ITFG1: variants seen among roughly 807,000 people sequenced by gnomAD.
The protein encoded by ITFG1 is integrin alpha FG-GAP repeat containing 1, also known as T-cell immunomodulatory protein.
A neutral mutation model predicts 81.8 loss-of-function variants in ITFG1; 34 were observed. The ratio of observed to expected loss-of-function variants is 0.42; its 90% confidence interval spans 0.32 to 0.55. The LOEUF (loss-of-function observed/expected upper bound fraction) is 0.55. ITFG1 is among the 20% of genes least tolerant of loss of function. ITFG1 has a pLI of 0.17. For missense variants in ITFG1, 672 were observed against 755.4 expected (o/e 0.89, Z 1.29); for synonymous variants, 285 against 270.6 (o/e 1.05, Z -0.52).
chr16:47,350,442 A>G (rs984457159), intron 8 of ITFG1, among the ~76,000 whole-genome samples: 13 of 152,210 alleles, frequency 8.5e-5, no homozygotes, highest in African/African-American at 2.9e-4. Context: ...ACACCTCTAC[A>G]CAAATAAACT....
chr16:47,309,621 C>A (rs1309481406), intron 10 of ITFG1, among the ~76,000 whole-genome samples: 2 of 152,154 alleles, frequency 1.3e-5, no homozygotes, highest in Non-Finnish European at 2.9e-5. Flanking sequence ...TCCTTCAATT[C>A]TCATCCATCT....
intron 8 of ITFG1, among the ~76,000 whole-genome samples, chr16:47,344,447 C>T (rs1967824545): frequency 6.6e-6 from 1 of 152,150 alleles, no homozygotes; most frequent in Non-Finnish European, 1.5e-5. Flanking sequence ...TATTAAAACT[C>T]ACTGAACTCT....
chr16:47,402,098 T>C (rs1968668746), intron 6 of ITFG1, among the ~76,000 whole-genome samples: 1 of 152,214 alleles, frequency 6.6e-6, no homozygotes, highest in Non-Finnish European at 1.5e-5. Context: ...CAACTGTGCA[T>C]AAATATCCGG....
chr16:47,367,106 T>G lies in ITFG1; in HGVS notation c.721-1237A>C, dbSNP rs541611441. On this transcript the variant is annotated intron_variant, in intron 7 of 17. Coordinates refer to ENST00000320640, the MANE Select transcript of ITFG1 (RefSeq NM_030790.5). ...TCACAGCTGGAGTGGCTCGCAGAAC[T>G]CTGGGAAACATATTTACTTAGTTAT... Among the ~76,000 whole-genome samples the G allele has an allele frequency of 2.6e-5, 4 of 152,230 alleles. No individual in the cohort carries two copies. The East Asian group carries it at 7.7e-4, about 29-fold the overall frequency.
intron 12 of ITFG1, among the ~76,000 whole-genome samples, chr16:47,253,823 C>A (rs1479879068): frequency 2.6e-5 from 4 of 152,156 alleles, no homozygotes; most frequent in South Asian, 2.1e-4. Context: ...TGCTCGCCCT[C>A]CGGCCGTTCA....
intron 10 of ITFG1, among the ~76,000 whole-genome samples, chr16:47,282,827 C>A (rs1966464033): frequency 6.6e-6 from 1 of 152,132 alleles, no homozygotes; most frequent in South Asian, 2.1e-4. Context: ...ATTCTTATTT[C>A]TCTGATGACT....
At chr16:47,457,337 A>C (rs1969466998) in intron 2 of ITFG1, among the ~76,000 whole-genome samples, 1 of 152,046 alleles carries the variant, frequency 6.6e-6, no homozygotes, top group Non-Finnish European at 1.5e-5. Context: ...GAAAAAGAAA[A>C]GAAATACTGT....
intron 6 of ITFG1, among the ~76,000 whole-genome samples, chr16:47,377,024 A>G (rs1341639774): frequency 6.6e-6 from 1 of 151,614 alleles, no homozygotes; most frequent in East Asian, 1.9e-4. Flanking sequence ...TGACTACTGA[A>G]AAAAAGAGTT....
At chr16:47,422,975 T>A (rs1207743009) in intron 6 of ITFG1, among the ~76,000 whole-genome samples, 1 of 152,192 alleles carries the variant, frequency 6.6e-6, no homozygotes, top group Admixed American at 6.5e-5. Flanking sequence ...TTCCTGGATA[T>A]CCTTGTCAAC....
At chr16:47,156,305 G>T (rs866190588) in intron 17 of ITFG1, among the ~76,000 whole-genome samples, 1 of 152,114 alleles carries the variant, frequency 6.6e-6, no homozygotes, top group Admixed American at 6.6e-5. Flanking sequence ...TGAGTGTGGT[G>T]GTGGGCACCT....
At chr16:47,225,341 G>C (rs150933665) in intron 13 of ITFG1, among the ~76,000 whole-genome samples, 24 of 152,160 alleles carry the variant, frequency 1.6e-4, no homozygotes, top group African/African-American at 4.6e-4. Context: ...TCCCAGAAGA[G>C]AGGAAAGAGG....
chr16:47,328,784 C>T (rs767205957), intron 8 of ITFG1, among the ~76,000 whole-genome samples: 8 of 152,060 alleles, frequency 5.3e-5, no homozygotes, highest in African/African-American at 7.2e-5. Flanking sequence ...TTTTTTCCGT[C>T]AACAGTCTCT....
At chr16:47,444,259 T>C (rs539075923) in intron 5 of ITFG1, among the ~76,000 whole-genome samples, 76 of 152,174 alleles carry the variant, frequency 5.0e-4, no homozygotes, top group Non-Finnish European at 9.3e-4. Context: ...AAAAATAAGA[T>C]TGTAAAGCAA....
intron 12 of ITFG1, among the ~76,000 whole-genome samples, chr16:47,254,236 T>G (rs1199259234): frequency 6.6e-6 from 1 of 151,984 alleles, no homozygotes; most frequent in African/African-American, 2.4e-5. Flanking sequence ...TTAAAAAAAA[T>G]GTAAATGAAT....
intron 14 of ITFG1, among the ~76,000 whole-genome samples, chr16:47,211,112 A>G (rs1470940567): frequency 6.6e-6 from 1 of 152,224 alleles, no homozygotes; most frequent in Non-Finnish European, 1.5e-5. Context: ...AAGGCAATTT[A>G]TGGAAAACTG....
At chr16:47,179,054 G>A (rs369684833) in intron 14 of ITFG1, among the ~76,000 whole-genome samples, 10 of 151,706 alleles carry the variant, frequency 6.6e-5, no homozygotes, top group South Asian at 4.2e-4. Context: ...TTAGAATGGC[G>A]ATCATTAAAA....
rs77729920 is a variant in ITFG1 at position 47,379,900 on chromosome 16, T to C, written c.656-3960A>G. ...ATTTTGTGTTTTCTTTTTTGAGAAATATGAGGCAAACACTAATGCTAAGGA... is the reference window on the plus strand; with the variant it reads ...ATTTTGTGTTTTCTTTTTTGAGAAACATGAGGCAAACACTAATGCTAAGGA... On this transcript the variant is annotated intron_variant, in intron 6 of 17. Coordinates refer to ENST00000320640, the MANE Select transcript of ITFG1 (RefSeq NM_030790.5). Among the ~76,000 whole-genome samples, 333 of 151,990 alleles carry C rather than the reference T, an allele frequency of 2.2e-3. 9 individuals carry two copies. The East Asian group carries it at 0.055, about 25-fold the overall frequency.
intron 12 of ITFG1, among the ~76,000 whole-genome samples, chr16:47,242,301 A>C (rs1258047043): frequency 6.6e-6 from 1 of 151,950 alleles, no homozygotes; most frequent in African/African-American, 2.4e-5. Flanking sequence ...GGATTTCAAG[A>C]AGCAATATCT....
intron 6 of ITFG1, among the ~76,000 whole-genome samples, chr16:47,418,399 T>A (rs757869182): frequency 6.6e-6 from 1 of 152,144 alleles, no homozygotes; most frequent in Admixed American, 6.5e-5. Context: ...CATTTATCTT[T>A]TTTTTGTTTT....
Sources: allele counts gnomAD v4.1 joint callset (sites outside exome capture counted in the v4.1 genomes callset), GRCh38; gene constraint gnomAD v4.1.1; transcripts MANE v1.5; gene names NCBI Gene and HGNC (gene_info 2026-07-23, HGNC 2026-07-21).